SLC30A9: variants seen among roughly 807,000 people sequenced by gnomAD.
SLC30A9 encodes proton-coupled zinc antiporter SLC30A9, mitochondrial.
In SLC30A9, 58 loss-of-function variants were observed where a neutral mutation model predicts 87.5. The observed-to-expected ratio is 0.66, with a 90% CI of 0.54 to 0.82. The LOEUF is 0.82. Ranked by LOEUF, SLC30A9 falls within the 40% of genes least tolerant of loss-of-function variation. The pLI is 0.00. For missense variants in SLC30A9, 557 were observed against 679.1 expected (o/e 0.82, Z 2.00); for synonymous variants, 234 against 233.0 (o/e 1.00, Z -0.04).
chr4:42,024,002 C>T (rs927500593), intron 6 of SLC30A9, among the ~76,000 whole-genome samples: 29 of 152,250 alleles, frequency 1.9e-4, no homozygotes, highest in African/African-American at 6.0e-4. Flanking sequence ...GGCCTGTCCT[C>T]GGCACATGGG....
intron 10 of SLC30A9, 148 bp from the exon 11 acceptor site, chr4:42,062,838 T>G: frequency 1.5e-6 from 1 of 649,946 alleles, no homozygotes; most frequent in African/African-American, 1.8e-5. Context: ...TACATATTGC[T>G]TTTCAAGTTT....
At chr4:42,001,506 T>C (rs1175474382) in intron 1 of SLC30A9, 110 bp from the exon 2 acceptor site, 1 of 537,622 alleles carries the variant, frequency 1.9e-6, no homozygotes, top group African/African-American at 2.0e-5. Flanking sequence ...CAAAATGGTA[T>C]TTCATGTGTA....
chr4:42,058,759 C>T (rs534082856), intron 9 of SLC30A9, among the ~76,000 whole-genome samples: 2 of 152,266 alleles, frequency 1.3e-5, no homozygotes, highest in African/African-American at 4.8e-5. Flanking sequence ...TCTCATAAGA[C>T]GTATTCACTA....
intron 2 of SLC30A9, among the ~76,000 whole-genome samples, chr4:42,007,646 A>C (rs1276215622): frequency 6.6e-6 from 1 of 152,068 alleles, no homozygotes; most frequent in Admixed American, 6.5e-5. Flanking sequence ...AGTCCCAGCT[A>C]CTCGGGAGGC....
intron 6 of SLC30A9, among the ~76,000 whole-genome samples, chr4:42,033,651 C>T (rs1053700605): frequency 6.6e-6 from 1 of 152,154 alleles, no homozygotes; most frequent in Admixed American, 6.5e-5. Flanking sequence ...TCTTGGCTCA[C>T]TGCAACCTCC....
At position 42,090,129 on chromosome 4, in the gene SLC30A9, T is replaced by C. The variant is rs547881776; in HGVS notation, c.*4003T>C. 3.3e-5 allele frequency: 5 copies of C among 152,344 alleles called. No homozygotes were observed. In the South Asian group the frequency reaches 1.0e-3, roughly 32 times the overall value. The allele number at this position is 152,344 out of a possible 1,614,324, so 9.4% of individuals were successfully genotyped here. On this transcript the variant is annotated 3_prime_UTR_variant, in exon 18 of 18. Coordinates refer to ENST00000264451, the MANE Select transcript of SLC30A9 (RefSeq NM_006345.4). ...TGTCAAGCTTTGGCAGCATTTCTTTTAAATGTGATGAACCCCAATTTGCCA... is the reference window on the plus strand; with the variant it reads ...TGTCAAGCTTTGGCAGCATTTCTTTCAAATGTGATGAACCCCAATTTGCCA...
chr4:41,990,715 C>T lies in SLC30A9; in HGVS notation c.64C>T (p.Arg22Cys), dbSNP rs1577670969. ...TAGCTGGTCCTCCCTGTGCCGGCTCCGTCTGCGATGCAGGGCGGCGGCCTG... is the reference window on the plus strand; with the variant it reads ...TAGCTGGTCCTCCCTGTGCCGGCTCTGTCTGCGATGCAGGGCGGCGGCCTG... ...RCSWSSLCRLRLRCRAAACNP... is the reference protein window; with the variant it reads ...RCSWSSLCRLCLRCRAAACNP... Residue 22 changes from arginine (R) to cysteine (C), a missense_variant, in exon 1 of 18, where the codon CGT becomes TGT. By Grantham distance (180) the Arg-to-Cys change is radical. Coordinates refer to ENST00000264451, the MANE Select transcript of SLC30A9 (RefSeq NM_006345.4). 1.2e-6 allele frequency: 2 copies of T among 1,612,138 alleles called. No individual in the cohort carries two copies. Among genetic ancestry groups the T allele is most frequent in the South Asian group, 2.2e-5 (2 of 91,008 alleles).
intron 17 of SLC30A9, among the ~76,000 whole-genome samples, chr4:42,081,382 G>A (rs982914281): frequency 6.6e-6 from 1 of 152,026 alleles, no homozygotes. Flanking sequence ...GTGTTGAATT[G>A]TGCAAAGGTG....
intron 2 of SLC30A9, among the ~76,000 whole-genome samples, chr4:42,003,443 T>C (rs1388772618): frequency 6.6e-6 from 1 of 152,126 alleles, no homozygotes; most frequent in African/African-American, 2.4e-5. Context: ...TTTTTATGGT[T>C]CTGTAAATTT....
intron 4 of SLC30A9, among the ~76,000 whole-genome samples, chr4:42,022,504 C>T (rs902141293): frequency 3.9e-5 from 6 of 152,058 alleles, no homozygotes; most frequent in African/African-American, 1.4e-4. Context: ...TGAGCCACCA[C>T]GCATTACCTA....
At chr4:42,039,675 A>T (rs36083353) in intron 8 of SLC30A9, among the ~76,000 whole-genome samples, 90,701 of 151,750 alleles carry the variant, frequency 0.6, 32,770 homozygotes, top group East Asian at 0.95. Context: ...GTTGGCCAGG[A>T]TGGTCTCAAT....
At chr4:41,994,144 A>G (rs192653368) in intron 1 of SLC30A9, among the ~76,000 whole-genome samples, 5 of 145,970 alleles carry the variant, frequency 3.4e-5, no homozygotes, top group South Asian at 4.7e-4. Context: ...GCGACGAGCG[A>G]AACTCCATCT....
intron 6 of SLC30A9, chr4:42,029,939 T>C: frequency 1.2e-6 from 1 of 818,446 alleles, no homozygotes; most frequent in Admixed American, 1.8e-5. Context: ...CTCTGCAGAA[T>C]TATCCCTACT....
At chr4:42,013,274 G>A (rs904092875) in intron 2 of SLC30A9, among the ~76,000 whole-genome samples, 1 of 151,974 alleles carries the variant, frequency 6.6e-6, no homozygotes, top group African/African-American at 2.4e-5. Context: ...GCAAGATCCT[G>A]ACTCCTAAAA....
At chr4:42,058,562 A>C (rs759046488) in intron 9 of SLC30A9, among the ~76,000 whole-genome samples, 11 of 152,184 alleles carry the variant, frequency 7.2e-5, no homozygotes, top group Non-Finnish European at 1.5e-4. Flanking sequence ...TTCTGTTTTC[A>C]TGCTGCTGAT....
In SLC30A9 at chr4:42,023,363, G is replaced by A; in HGVS notation, c.589G>A (p.Ala197Thr). The A allele has an allele frequency of 6.2e-7, 1 of 1,610,576 alleles. No homozygotes were observed. The highest frequency in any genetic ancestry group is 8.5e-7 in the Non-Finnish European group (1 of 1,176,786). ...CAGAGAGAAAAAATTGCGTAAGGAA[G>A]CAGAAATAGAATACAGAGAAAGTAA... ...LAREKKLRKEAEIEYRERLFR... is the reference protein window; with the variant it reads ...LAREKKLRKETEIEYRERLFR... Residue 197 changes from alanine to threonine, a missense_variant, in exon 6 of 18, where the codon GCA becomes ACA. Ala to Thr is a moderately conservative substitution (Grantham distance 58, BLOSUM62 0). Around this residue, in one of 2 missense-constraint regions of SLC30A9, gnomAD observed 467 missense variants for 529.8 expected, o/e 0.88. Coordinates refer to ENST00000264451, the MANE Select transcript of SLC30A9 (RefSeq NM_006345.4).
rs913831845 is a variant in SLC30A9 at position 42,088,188 on chromosome 4, A to G, written c.*2062A>G. 1.3e-5 allele frequency: 2 copies of G among 152,240 alleles called. No individual in the cohort carries two copies. The highest frequency in any genetic ancestry group is 4.8e-5 in the African/African-American group (2 of 41,472). The allele number at this position is 152,240 out of a possible 1,614,324, so 9.4% of individuals were successfully genotyped here. ...AATAAGACATAAAGGAGTACAACAT[A>G]TCAAGGAATTTGAGTATTTATGTGG... On this transcript the variant is annotated 3_prime_UTR_variant, in exon 18 of 18. Coordinates refer to ENST00000264451, the MANE Select transcript of SLC30A9 (RefSeq NM_006345.4).
intron 2 of SLC30A9, among the ~76,000 whole-genome samples, chr4:42,008,534 C>T (rs1240167650): frequency 6.6e-6 from 1 of 152,112 alleles, no homozygotes; most frequent in African/African-American, 2.4e-5. Flanking sequence ...ATAGATGGAA[C>T]TGAAGCCATG....
At chr4:42,003,325 A>G (rs1715063600) in intron 2 of SLC30A9, among the ~76,000 whole-genome samples, 2 of 152,146 alleles carry the variant, frequency 1.3e-5, no homozygotes, top group South Asian at 4.1e-4. Context: ...ATACACATCA[A>G]TTCTTATTTT....
Sources: allele counts gnomAD v4.1 joint callset (sites outside exome capture counted in the v4.1 genomes callset), GRCh38; gene constraint gnomAD v4.1.1; regional missense constraint gnomAD v4.1.1; transcripts MANE v1.5; gene names NCBI Gene and HGNC (gene_info 2026-07-23, HGNC 2026-07-21).